The following SEMA4D variants were observed in gnomAD, a reference collection of about 807,000 sequenced individuals.
SEMA4D encodes the protein semaphorin 4D.
In SEMA4D, 22 loss-of-function variants were observed where a neutral mutation model predicts 74.8. The ratio of observed to expected loss-of-function variants is 0.29; its 90% CI spans 0.21 to 0.42. SEMA4D has a LOEUF of 0.42. Ranked by LOEUF, SEMA4D falls within the 10% of genes least tolerant of loss-of-function variation. The probability of loss-of-function intolerance (pLI) is 1.00; values close to 1 mark genes in which losing one functional copy is unlikely to be tolerated. For synonymous variants in SEMA4D, 445 were observed against 463.7 expected (o/e 0.96, Z 0.52); for missense variants, 937 against 1,118.4 (o/e 0.84, Z 2.31).
chr9:89,441,800 C>T lies in SEMA4D; in HGVS notation c.-244+14088G>A, dbSNP rs555278657. Among the ~76,000 whole-genome samples, 4 of 152,224 alleles carry T rather than the reference C, an allele frequency of 2.6e-5. No individual in the cohort carries two copies. In the South Asian group the frequency reaches 8.3e-4, roughly 32 times the overall value. On this transcript the variant is annotated intron_variant, in intron 2 of 15. Coordinates refer to ENST00000422704, the MANE Select transcript of SEMA4D (RefSeq NM_001371194.2). ...CCTAACCCCCCTCCCACACTCCCAT[C>T]CCAGCCCACACTGTTAAACTTCAGC...
chr9:89,375,737 T>C (rs555097277), downstream of SEMA4D, among the ~76,000 whole-genome samples: 3 of 152,204 alleles, frequency 2.0e-5, no homozygotes, highest in Non-Finnish European at 4.4e-5. Context: ...GGATACATCT[T>C]TGAAGTGTGG....
intron 2 of SEMA4D, among the ~76,000 whole-genome samples, chr9:89,425,330 A>G (rs1315119346): frequency 6.6e-6 from 1 of 152,178 alleles, no homozygotes; most frequent in Admixed American, 6.5e-5. Context: ...CTGGGAACAG[A>G]TGCCTCCCCT....
intron 5 of SEMA4D, among the ~76,000 whole-genome samples, chr9:89,397,835 A>G (rs1841331513): frequency 6.6e-6 from 1 of 152,174 alleles, no homozygotes; most frequent in Non-Finnish European, 1.5e-5. Flanking sequence ...TGTCTTGACC[A>G]CCATTGAGGA....
At chr9:89,419,874 G>T in intron 2 of SEMA4D, among the ~76,000 whole-genome samples, 1 of 152,166 alleles carries the variant, frequency 6.6e-6, no homozygotes. Context: ...CCAAGATCGC[G>T]CCATTGCACT....
At chr9:89,430,892 G>C (rs931113053) in intron 2 of SEMA4D, among the ~76,000 whole-genome samples, 3 of 152,154 alleles carry the variant, frequency 2.0e-5, no homozygotes, top group Admixed American at 6.5e-5. Context: ...CAGGAGAATC[G>C]CTTGAACCCG....
intron 1 of SEMA4D, among the ~76,000 whole-genome samples, chr9:89,475,471 T>A (rs1323944438): frequency 6.6e-6 from 1 of 152,204 alleles, no homozygotes; most frequent in African/African-American, 2.4e-5. Context: ...GCCAGTGACC[T>A]GAGTCCCTCC....
At chr9:89,480,987 C>CCTTCTCCCGCTAAA (rs1236907718) in intron 1 of SEMA4D, among the ~76,000 whole-genome samples, 1 of 152,254 alleles carries the variant, frequency 6.6e-6, no homozygotes, top group African/African-American at 2.4e-5. Flanking sequence ...CTCTCACTAT[C>CCTTCTCCCGCTAAA]AGTACATACA....
At chr9:89,463,625 C>G (rs1007155736) in intron 1 of SEMA4D, among the ~76,000 whole-genome samples, 2 of 152,192 alleles carry the variant, frequency 1.3e-5, no homozygotes, top group Admixed American at 1.3e-4. Context: ...CACAAGGTCT[C>G]TATGTTGTGT....
intron 5 of SEMA4D, 82 bp downstream of exon 5, chr9:89,399,194 G>A: frequency 8.2e-7 from 1 of 1,218,674 alleles, no homozygotes; most frequent in Non-Finnish European, 1.2e-6. Context: ...GGCCTGCACT[G>A]CAGGCATGCT....
chr9:89,436,740 G>A (rs531323016), intron 2 of SEMA4D, among the ~76,000 whole-genome samples: 1 of 152,232 alleles, frequency 6.6e-6, no homozygotes, highest in African/African-American at 2.4e-5. Flanking sequence ...AGGAGGGTGT[G>A]GGGGGTTGCG....
chr9:89,377,039 T>G, downstream of SEMA4D: 1 of 1,536,990 alleles, frequency 6.5e-7, no homozygotes, highest in South Asian at 1.2e-5. Context: ...AGGGAGGGGC[T>G]TAGGAGACGA....
intron 1 of SEMA4D, among the ~76,000 whole-genome samples, chr9:89,480,087 C>T (rs1437368575): frequency 5.9e-5 from 9 of 152,136 alleles, no homozygotes; most frequent in African/African-American, 2.2e-4. Context: ...CTCCAAGGCC[C>T]CACCAGAGCA....
intron 1 of SEMA4D, among the ~76,000 whole-genome samples, chr9:89,456,469 C>T (rs975959135): frequency 2.0e-5 from 3 of 152,194 alleles, no homozygotes; most frequent in African/African-American, 4.8e-5. Context: ...TATTCCAACA[C>T]TTTTTAAGTT....
chr9:89,472,135 C>CTTTT (rs1472724712), intron 1 of SEMA4D: 2 of 181,946 alleles, frequency 1.1e-5, no homozygotes, highest in Non-Finnish European at 2.3e-5. Context: ...ATCCTTCTGA[C>CTTTT]TTTAAAAGAG....
intron 1 of SEMA4D, among the ~76,000 whole-genome samples, chr9:89,464,440 C>A (rs1215798715): frequency 6.6e-6 from 1 of 152,062 alleles, no homozygotes; most frequent in Non-Finnish European, 1.5e-5. Context: ...CAGGGCGCAG[C>A]CAGGCTGCCT....
At position 89,399,350 on chromosome 9, in the gene SEMA4D, G is replaced by A. The variant is rs76973139; in HGVS notation, c.253-12C>T. Reference sequence around the variant, plus strand: ...ACCTTCCAATACACCTGTTGGGATAGAGTCCATATCAGTGCATATTCTTTT... The same window carrying A: ...ACCTTCCAATACACCTGTTGGGATAAAGTCCATATCAGTGCATATTCTTTT... On this transcript the variant is annotated splice_polypyrimidine_tract_variant and intron_variant, in intron 4 of 15. Transcript: ENST00000422704. The A allele has an allele frequency of 9.9e-4, 1,588 of 1,598,818 alleles. 16 individuals carry two copies. The African/African-American group carries it at 0.018, about 18-fold the overall frequency.
intron 1 of SEMA4D, among the ~76,000 whole-genome samples, chr9:89,467,908 T>C (rs1859170563): frequency 6.6e-6 from 1 of 152,176 alleles, no homozygotes; most frequent in South Asian, 2.1e-4. Flanking sequence ...TCCCACAGCC[T>C]CAGGCTTGGA....
chr9:89,390,050 A>G (rs1179050616), intron 9 of SEMA4D, among the ~76,000 whole-genome samples: 5 of 152,162 alleles, frequency 3.3e-5, no homozygotes, highest in Non-Finnish European at 5.9e-5. Context: ...AGACTTGTAG[A>G]AACTTGTCGG....
intron 1 of SEMA4D, among the ~76,000 whole-genome samples, chr9:89,473,659 C>T (rs1304774612): frequency 1.3e-5 from 2 of 152,078 alleles, no homozygotes; most frequent in Non-Finnish European, 2.9e-5. Flanking sequence ...GAGTTCGAAA[C>T]CAGCCTGCCC....
Sources: allele counts gnomAD v4.1 joint callset (sites outside exome capture counted in the v4.1 genomes callset), GRCh38; gene constraint gnomAD v4.1.1; transcripts MANE v1.5; gene names NCBI Gene and HGNC (gene_info 2026-07-23, HGNC 2026-07-21).